Variants in ATP7B observed in about 807,000 individuals in gnomAD.
The protein encoded by ATP7B is copper-transporting ATPase 2.
Under a neutral mutation model 118.9 loss-of-function variants are expected in ATP7B, and 113 were observed. The ratio of observed to expected loss-of-function variants is 0.95; its 90% CI spans 0.82 to 1.11. The LOEUF is 1.11. Ranked by LOEUF, ATP7B falls within the 50% of genes most tolerant of loss-of-function variation. The pLI, the probability that ATP7B is intolerant of heterozygous loss-of-function variation, is 0.00. For synonymous variants in ATP7B, 777 were observed against 727.4 expected, an observed-to-expected ratio of 1.07 and a Z score of -1.10; for missense variants, 1,867 against 1,871.4, an observed-to-expected ratio of 1.00 and a Z score of 0.04.
chr13:51,987,753 A>C (rs1053215642), intron 1 of ATP7B, among the ~76,000 whole-genome samples: 3 of 152,186 alleles, frequency 2.0e-5, no homozygotes, highest in African/African-American at 7.2e-5. Context: ...CTCAGAAATA[A>C]CACCACACAT....
Position 51,935,392 on chromosome 13 carries a change from G to A in ATP7B, c.4124+201C>T, listed in dbSNP as rs1156446825. Among the ~76,000 whole-genome samples, 3 of 152,346 alleles carry A rather than the reference G, an allele frequency of 2.0e-5. 1 individual carries two copies. The highest frequency in any genetic ancestry group is 4.1e-4 in the South Asian group (2 of 4,830). Reference sequence around the variant, plus strand: ...GAGCAGAGTAAGGGCAGCCCAGCACGTGAATGGGCAGCAGTGAATTGCCTG... The same window carrying A: ...GAGCAGAGTAAGGGCAGCCCAGCACATGAATGGGCAGCAGTGAATTGCCTG... On this transcript the variant is annotated intron_variant, in intron 20 of 20. Transcript: ENST00000242839.
intron 2 of ATP7B, among the ~76,000 whole-genome samples, chr13:51,971,280 C>T (rs1951829560): frequency 1.3e-5 from 2 of 152,206 alleles, no homozygotes; most frequent in African/African-American, 4.8e-5. Context: ...TTTTACTATA[C>T]ATATGTCATG....
At chr13:52,002,708 G>GA (rs1426641768) in intron 1 of ATP7B, among the ~76,000 whole-genome samples, 1 of 151,968 alleles carries the variant, frequency 6.6e-6, no homozygotes, top group Non-Finnish European at 1.5e-5. Flanking sequence ...ATCTCTCAGA[G>GA]ATATCCATGG....
At chr13:51,981,332 C>G (rs1006154727) in intron 1 of ATP7B, among the ~76,000 whole-genome samples, 1 of 152,194 alleles carries the variant, frequency 6.6e-6, no homozygotes, top group Non-Finnish European at 1.5e-5. Flanking sequence ...GCTGCCTGAG[C>G]CCTGGCTTCA....
intron 13 of ATP7B, among the ~76,000 whole-genome samples, chr13:51,945,241 A>G (rs4943045): frequency 6.6e-6 from 1 of 151,906 alleles, no homozygotes; most frequent in Non-Finnish European, 1.5e-5. Context: ...CGTTCAGAAC[A>G]CTTTACTAAA....
chr13:51,969,598 A>G (rs1951742296), intron 3 of ATP7B, among the ~76,000 whole-genome samples: 5 of 152,356 alleles, frequency 3.3e-5, no homozygotes, highest in Middle Eastern at 3.4e-3. Flanking sequence ...TACATGGGAA[A>G]AAAAGCCTCG....
intron 1 of ATP7B, among the ~76,000 whole-genome samples, chr13:51,984,428 C>A (rs1952558276): frequency 6.6e-6 from 1 of 152,078 alleles, no homozygotes; most frequent in South Asian, 2.1e-4. Context: ...AAAGACCAAA[C>A]ATAAGTTTGA....
chr13:51,983,599 C>A (rs1001303806), intron 1 of ATP7B, among the ~76,000 whole-genome samples: 1 of 152,072 alleles, frequency 6.6e-6, no homozygotes, highest in Non-Finnish European at 1.5e-5. Context: ...GGTCCGTGAC[C>A]CCTGTGTCTC....
At chr13:52,001,029 A>C (rs1302824560) in intron 1 of ATP7B, among the ~76,000 whole-genome samples, 1 of 152,182 alleles carries the variant, frequency 6.6e-6, no homozygotes, top group Non-Finnish European at 1.5e-5. Context: ...CAAAAATAAT[A>C]ATTAAAATGA....
chr13:51,996,811 C>T (rs1398943353), intron 1 of ATP7B, among the ~76,000 whole-genome samples: 6 of 152,200 alleles, frequency 3.9e-5, no homozygotes, highest in East Asian at 1.9e-4. Context: ...ACACTTGTGG[C>T]GGTTGCTATC....
chr13:51,947,042 A>G (rs1957710316), intron 12 of ATP7B, among the ~76,000 whole-genome samples: 1 of 152,216 alleles, frequency 6.6e-6, no homozygotes, highest in Non-Finnish European at 1.5e-5. Context: ...TGTTTTTGTA[A>G]TGATAAAAAA....
chr13:52,005,346 T>C (rs1953715777), intron 1 of ATP7B, among the ~76,000 whole-genome samples: 1 of 152,244 alleles, frequency 6.6e-6, no homozygotes, highest in Admixed American at 6.5e-5. Flanking sequence ...ACACTCTGCT[T>C]AGATATTTCT....
At chr13:51,955,576 G>A (rs186039884) in intron 9 of ATP7B, among the ~76,000 whole-genome samples, 235 of 152,292 alleles carry the variant, frequency 1.5e-3, no homozygotes, top group African/African-American at 5.2e-3. Context: ...ACTTCGGCCG[G>A]CAGATGCCTT....
At chr13:51,944,076 G>A (rs371328354) in intron 14 of ATP7B, 33 bp downstream of exon 14, 109 of 1,612,772 alleles carry the variant, frequency 6.8e-5, no homozygotes, top group Middle Eastern at 1.7e-4. Context: ...GAGCATTGGC[G>A]GGGAGGGCAG....
Position 51,942,395 on chromosome 13 carries a change from C to A in ATP7B, c.3403G>T (p.Ala1135Ser). 1.2e-6 allele frequency: 2 copies of A among 1,614,074 alleles called. No homozygotes were observed. Among genetic ancestry groups the A allele is most frequent in the Non-Finnish European group, 1.7e-6 (2 of 1,180,034 alleles). ...CAAAAGCCAGCAATACCTTTTTCTG[C>A]GGGAAGGCTGCCAGCCTCATTCAGG... ...SHLNEAGSLP[A>S]EKDAVPQTFS... is the part of the protein sequence containing the mutation. Residue 1135 changes from alanine to serine, a missense_variant, in exon 15 of 21, where the codon GCA (alanine) becomes TCA (serine). Coordinates refer to ENST00000242839, the MANE Select transcript of ATP7B (RefSeq NM_000053.4).
Position 51,935,900 on chromosome 13 carries a change from G to A in ATP7B, c.4022-205C>T, listed in dbSNP as rs572499466. Among the ~76,000 whole-genome samples the A allele has an allele frequency of 3.3e-5, 5 of 152,350 alleles. No homozygotes were observed. In the East Asian group the frequency reaches 9.6e-4, roughly 29 times the overall value. Reference sequence around the variant, plus strand: ...AGCTGGGTGTGGGATGCTGTTGAGTGGGCCTGGCTCTCTTCCACTCGCCCT... The same window carrying A: ...AGCTGGGTGTGGGATGCTGTTGAGTAGGCCTGGCTCTCTTCCACTCGCCCT... On this transcript the variant is annotated intron_variant, in intron 19 of 20. Transcript: ENST00000242839.
intron 1 of ATP7B, among the ~76,000 whole-genome samples, chr13:51,980,901 A>G (rs982315520): frequency 2.0e-5 from 3 of 152,214 alleles, no homozygotes; most frequent in African/African-American, 7.2e-5. Context: ...CTCCCCCCAT[A>G]CAACTTAACA....
chr13:51,962,834 G>A (rs762013059), intron 5 of ATP7B, among the ~76,000 whole-genome samples: 1 of 152,164 alleles, frequency 6.6e-6, no homozygotes, highest in Non-Finnish European at 1.5e-5. Context: ...GCTCACACCT[G>A]TAATCCCAGC....
intron 13 of ATP7B, 135 bp downstream of exon 13, chr13:51,946,149 G>A (rs989579207): frequency 8.1e-7 from 1 of 1,227,000 alleles, no homozygotes; most frequent in Non-Finnish European, 1.1e-6. Flanking sequence ...GTTATTCCCA[G>A]TTATACTTGA....
Sources: allele counts gnomAD v4.1 joint callset (sites outside exome capture counted in the v4.1 genomes callset), GRCh38; gene constraint gnomAD v4.1.1; transcripts MANE v1.5; gene names NCBI Gene and HGNC (gene_info 2026-07-23, HGNC 2026-07-21).